The following PCDH11Y variants were observed in gnomAD, a reference collection of about 807,000 sequenced individuals.
PCDH11Y encodes protocadherin 11 Y-linked, also known as protocadherin-11 Y-linked.
For missense variants in PCDH11Y, 12 were observed against 224.8 expected, an observed-to-expected ratio of 0.05 and a Z score of 6.05; for synonymous variants, 9 against 83.6, an observed-to-expected ratio of 0.11 and a Z score of 4.87.
chrY:5,206,797 A>G, intron 2 of PCDH11Y, among the ~76,000 whole-genome samples: 2 of 30,457 alleles, frequency 6.6e-5, no homozygotes, highest in African/African-American at 1.3e-4. Flanking sequence ...AAAGAGTCCC[A>G]TTCAGGTGAG....
At chrY:5,612,140 G>A (rs1602951313) in intron 4 of PCDH11Y, among the ~76,000 whole-genome samples, 1 of 30,216 alleles carries the variant, frequency 3.3e-5, no homozygotes, top group Admixed American at 3.1e-4. Context: ...CTTCTGCGTC[G>A]CTCACGCTGG....
chrY:5,274,778 C>A (rs2124659989), intron 2 of PCDH11Y, among the ~76,000 whole-genome samples: 1 of 34,023 alleles, frequency 2.9e-5, no homozygotes, highest in East Asian at 7.7e-4. Flanking sequence ...GTTAGCGGTA[C>A]AAGCTTGTAT....
rs2053276389 is a variant in PCDH11Y at position 5,437,344 on chromosome Y, T to C, written c.3130-63713T>C. ...AAATGGAAATGAGCTCTTTCTTATA[T>C]AGAATCAATTAAAAGTATGATATAT... On this transcript the variant is annotated intron_variant, in intron 2 of 4. Transcript: ENST00000400457. Among the ~76,000 whole-genome samples the C allele has an allele frequency of 9.1e-5, 3 of 33,089 alleles. No individual in the cohort carries two copies. The South Asian group carries it at 2.0e-3, about 22-fold the overall frequency. 88.8% of individuals were successfully genotyped at this position (33,089 alleles called of 37,273 possible). A position where few individuals can be genotyped will look rare whatever the true frequency, so the allele number is the denominator to read the frequency against.
intron 2 of PCDH11Y, among the ~76,000 whole-genome samples, chrY:5,456,144 G>T: frequency 3.0e-5 from 1 of 32,972 alleles, no homozygotes; most frequent in Non-Finnish European, 7.5e-5. Context: ...CTAAAAATAG[G>T]CAAAGGACAT....
intron 2 of PCDH11Y, among the ~76,000 whole-genome samples, chrY:5,260,053 G>T: frequency 2.1e-4 from 4 of 19,233 alleles, no homozygotes; most frequent in Non-Finnish European, 4.6e-4. Flanking sequence ...TGAAAAGTTT[G>T]CTGCCAGATG....
chrY:5,395,190 T>C, intron 2 of PCDH11Y, among the ~76,000 whole-genome samples: 1 of 33,302 alleles, frequency 3.0e-5, no homozygotes, highest in Non-Finnish European at 7.4e-5. Context: ...AGTCTAGTTA[T>C]TCTGCTACTA....
At chrY:5,466,531 A>G in intron 2 of PCDH11Y, among the ~76,000 whole-genome samples, 5 of 32,629 alleles carry the variant, frequency 1.5e-4, no homozygotes, top group Non-Finnish European at 7.6e-5. Flanking sequence ...AATTCAATGT[A>G]GGATTTTTTT....
chrY:5,023,086 C>A (rs2124620095), intron 1 of PCDH11Y, among the ~76,000 whole-genome samples: 3 of 33,779 alleles, frequency 8.9e-5, no homozygotes, highest in African/African-American at 3.4e-4. Context: ...CACATTAAAG[C>A]TGAAATTATA....
At chrY:5,343,323 G>A in intron 2 of PCDH11Y, among the ~76,000 whole-genome samples, 3 of 27,489 alleles carry the variant, frequency 1.1e-4, no homozygotes, top group South Asian at 9.3e-4. Flanking sequence ...GCGCAATCTC[G>A]GCTCACTGCA....
At chrY:5,110,207 G>GT (rs2052801621), downstream of PCDH11Y, among the ~76,000 whole-genome samples, 1 of 33,858 alleles carries the variant, frequency 3.0e-5, no homozygotes, top group Non-Finnish European at 7.3e-5. Context: ...GCCAAAGCAG[G>GT]TGGATCACTT....
intron 2 of PCDH11Y, among the ~76,000 whole-genome samples, chrY:5,311,500 T>TAC (rs2053100613): frequency 7.5e-4 from 17 of 22,651 alleles, no homozygotes; most frequent in African/African-American, 1.6e-3. Context: ...TATATATATA[T>TAC]ACACACACAC....
In PCDH11Y at chrY:5,178,870, C is replaced by T. The variant is rs1409366221; in HGVS notation, c.3129+78163C>T. The stretch of plus-strand genomic sequence containing the variant: ...TTCAGCTCCCACTTATACATGAGAA[C>T]GTGTGGTGTTTGATTTTCTGTTCCT... On this transcript the variant is annotated intron_variant, in intron 2 of 4. Transcript: ENST00000400457. Among the ~76,000 whole-genome samples the T allele has an allele frequency of 9.3e-5, 3 of 32,366 alleles. No homozygotes were observed. The South Asian group carries it at 2.1e-3, about 23-fold the overall frequency. The allele number at this position is 32,366 out of a possible 37,273, so 86.8% of individuals were successfully genotyped here.
At chrY:5,020,946 T>C in intron 1 of PCDH11Y, among the ~76,000 whole-genome samples, 1 of 33,696 alleles carries the variant, frequency 3.0e-5, no homozygotes, top group Non-Finnish European at 7.3e-5. Flanking sequence ...AATGGCAATA[T>C]AATCATTATA....
intron 2 of PCDH11Y, among the ~76,000 whole-genome samples, chrY:5,157,584 G>A (rs2563192): frequency 3.0e-5 from 1 of 33,247 alleles, no homozygotes; most frequent in Admixed American, 2.7e-4. Context: ...TTCTTAAAAC[G>A]TAGCTAAATA....
chrY:5,595,027 G>C, intron 4 of PCDH11Y, among the ~76,000 whole-genome samples: 1 of 25,146 alleles, frequency 4.0e-5, no homozygotes, highest in African/African-American at 1.6e-4. Flanking sequence ...TGGGATTCCA[G>C]AGGTCCATGG....
At chrY:5,549,135 C>A (rs1602941755) in intron 3 of PCDH11Y, among the ~76,000 whole-genome samples, 1 of 31,771 alleles carries the variant, frequency 3.1e-5, no homozygotes, top group Non-Finnish European at 7.7e-5. Flanking sequence ...CAAGCTCCTG[C>A]ATAGCAAAAG....
At chrY:5,685,703 C>T in intron 4 of PCDH11Y, among the ~76,000 whole-genome samples, 1 of 31,214 alleles carries the variant, frequency 3.2e-5, no homozygotes, top group Non-Finnish European at 7.8e-5. Context: ...TTTAGATGAA[C>T]TAAATCCAGA....
intron 2 of PCDH11Y, among the ~76,000 whole-genome samples, chrY:5,228,436 G>A (rs2563181): frequency 1.3e-4 from 4 of 31,975 alleles, no homozygotes; most frequent in African/African-American, 4.9e-4. Flanking sequence ...TTGTGCTCTG[G>A]TATTTATTAT....
chrY:5,406,460 T>G, intron 2 of PCDH11Y, among the ~76,000 whole-genome samples: 2 of 33,363 alleles, frequency 6.0e-5, no homozygotes, highest in South Asian at 6.6e-4. Context: ...AATAATGAAG[T>G]GACTGATCTC....
Sources: allele counts gnomAD v4.1 joint callset (sites outside exome capture counted in the v4.1 genomes callset), GRCh38; gene constraint gnomAD v4.1.1; transcripts MANE v1.5; gene names NCBI Gene and HGNC (gene_info 2026-07-23, HGNC 2026-07-21).